The following RNASEH2B variants were observed in gnomAD, a reference collection of about 807,000 sequenced individuals.
The protein encoded by RNASEH2B is Aicardi-Goutieres syndrome 2 protein.
A neutral mutation model predicts 45.0 loss-of-function variants in RNASEH2B; 36 were observed. The ratio of observed to expected loss-of-function variants is 0.80; its 90% CI spans 0.61 to 1.06. The LOEUF (loss-of-function observed/expected upper bound fraction) is 1.06. RNASEH2B is among the 50% of genes least tolerant of loss of function. The pLI, the probability that RNASEH2B is intolerant of heterozygous loss-of-function variation, is 0.00. For missense variants in RNASEH2B, 361 were observed against 360.3 expected, an observed-to-expected ratio of 1.00 and a Z score of -0.02; for synonymous variants, 119 against 125.7, an observed-to-expected ratio of 0.95 and a Z score of 0.35.
intron 9 of RNASEH2B, chr13:50,951,552 G>C (rs1328719391): frequency 1.3e-5 from 2 of 152,104 alleles, no homozygotes; most frequent in African/African-American, 4.8e-5. Flanking sequence ...AGTGGGTTTG[G>C]AGATGTTCCC....
At chr13:50,929,134 T>C (rs1380341987) in intron 2 of RNASEH2B, among the ~76,000 whole-genome samples, 1 of 152,182 alleles carries the variant, frequency 6.6e-6, no homozygotes, top group Non-Finnish European at 1.5e-5. Flanking sequence ...TGCCAGCTCA[T>C]GTCATATGGC....
Position 50,945,468 on chromosome 13 carries a change from T to G in RNASEH2B, c.552T>G (p.Asn184Lys). 1 of 1,613,848 alleles carries G rather than the reference T, an allele frequency of 6.2e-7. No individual in the cohort carries two copies. The highest frequency in any genetic ancestry group is 8.5e-7 in the Non-Finnish European group (1 of 1,179,720). ...CAGCATTAAAAACCAATAATGTGAATGTCAGTTCCCGGGTACAGTCAACTG... is the reference window on the plus strand; with the variant it reads ...CAGCATTAAAAACCAATAATGTGAAGGTCAGTTCCCGGGTACAGTCAACTG... Reference protein sequence around the residue: ...TVAALKTNNVNVSSRVQSTAF... With the variant: ...TVAALKTNNVKVSSRVQSTAF... The change falls in exon 7 of 11, where the codon AAT becomes AAG. Residue 184 changes from asparagine to lysine, a missense_variant. Transcript: ENST00000336617.
intron 9 of RNASEH2B, chr13:50,950,980 T>C (rs114571412): frequency 4.9e-4 from 74 of 152,354 alleles, no homozygotes; most frequent in African/African-American, 1.8e-3. Context: ...TCAACTCTGC[T>C]GTTGTATTGT....
chr13:50,957,012 TC>T (rs1002729975), downstream of RNASEH2B, among the ~76,000 whole-genome samples: 1 of 151,636 alleles, frequency 6.6e-6, no homozygotes, highest in Non-Finnish European at 1.5e-5. Context: ...AACTTCAATC[TC>T]CCATTTCTTC....
chr13:50,931,927 A>G (rs140097317), intron 4 of RNASEH2B, among the ~76,000 whole-genome samples: 304 of 150,566 alleles, frequency 2.0e-3, no homozygotes, highest in African/African-American at 6.4e-3. Context: ...AGTTATGCAT[A>G]TCTTCCAAAT....
chr13:50,930,863 C>A, intron 4 of RNASEH2B, 104 bp downstream of exon 4: 1 of 885,610 alleles, frequency 1.1e-6, no homozygotes, highest in Non-Finnish European at 1.9e-6. Context: ...ATTCTACCTT[C>A]AGATCTATTA....
intron 6 of RNASEH2B, among the ~76,000 whole-genome samples, chr13:50,944,772 A>T (rs1951880235): frequency 6.6e-6 from 1 of 152,176 alleles, no homozygotes; most frequent in African/African-American, 2.4e-5. Context: ...TTAGAGTGCC[A>T]TGTTTCATTT....
chr13:50,959,791 G>C (rs534630351), downstream of RNASEH2B: 12 of 159,024 alleles, frequency 7.5e-5, no homozygotes, highest in Non-Finnish European at 1.4e-4. Flanking sequence ...ATCATCTAGA[G>C]AATGTGTAAT....
At position 50,956,387 on chromosome 13, in the gene RNASEH2B, G is replaced by A. The variant is rs1446139799; in HGVS notation, c.852G>A (p.Lys284=). The change falls in exon 11 of 11, where the codon AAG becomes AAA. Residue 284 remains lysine, a synonymous_variant. Coordinates refer to ENST00000336617, the MANE Select transcript of RNASEH2B (RefSeq NM_024570.4). ...KKNSKMTAAQ[K]ALAKVDKSGM... ...ATAGCAAAATGACTGCAGCTCAGAAGGCTTTGGCTAAAGTTGACAAGAGTG... is the reference window on the plus strand; with the variant it reads ...ATAGCAAAATGACTGCAGCTCAGAAAGCTTTGGCTAAAGTTGACAAGAGTG... 2 of 1,603,352 alleles carry A rather than the reference G, an allele frequency of 1.2e-6. No individual in the cohort carries two copies. Among genetic ancestry groups the A allele is most frequent in the Non-Finnish European group, 1.7e-6 (2 of 1,173,256 alleles).
chr13:50,927,359 CA>C (rs1951612193), intron 1 of RNASEH2B, 47 bp from the exon 2 acceptor site: 1 of 1,160,564 alleles, frequency 8.6e-7, no homozygotes, highest in Admixed American at 1.7e-5. Flanking sequence ...AGGTGAGCAA[CA>C]AAACAGCTGT....
rs1273374663 is a variant in RNASEH2B at position 50,970,137 on chromosome 13, T to G, written c.*173T>G. 3 of 691,490 alleles carry G rather than the reference T, an allele frequency of 4.3e-6. No individual in the cohort carries two copies. In the Admixed American group the frequency reaches 7.7e-5, roughly 18 times the overall value. 42.8% of individuals were successfully genotyped at this position (691,490 alleles called of 1,614,324 possible). On this transcript the variant is annotated 3_prime_UTR_variant, in exon 10 of 10. Coordinates refer to the RNASEH2B transcript ENST00000422660. ...CTTTGATTAGTACCACTAGTCTATG[T>G]GGGCAGCGGCATTCCTCCCTGGAGC...
intron 6 of RNASEH2B, among the ~76,000 whole-genome samples, chr13:50,945,065 C>G (rs776308962): frequency 2.6e-5 from 4 of 152,082 alleles, no homozygotes; most frequent in Non-Finnish European, 5.9e-5. Flanking sequence ...GAGGTGAATG[C>G]TATTTTTTTC....
intron 10 of RNASEH2B, chr13:50,956,143 A>G: frequency 2.0e-6 from 1 of 491,964 alleles, no homozygotes; most frequent in Non-Finnish European, 3.7e-6. Flanking sequence ...CTTAGAAGGC[A>G]GCAGTTTTGT....
chr13:50,956,441 G>C lies in RNASEH2B; in HGVS notation c.906G>C (p.Gly302=). The C allele has an allele frequency of 1.3e-6, 2 of 1,596,838 alleles. No individual in the cohort carries two copies. Among genetic ancestry groups the C allele is most frequent in the African/African-American group, 1.4e-5 (1 of 74,040 alleles). The change falls in exon 11 of 11, where the codon GGG becomes GGC. Residue 302 remains glycine, a synonymous_variant. Coordinates refer to ENST00000336617, the MANE Select transcript of RNASEH2B (RefSeq NM_024570.4). Reference sequence around the variant, plus strand: ...TGAAAAGTATTGATACCTTTTTTGGGGTAAAAAATAAAAAAAAAATTGGAA... The same window carrying C: ...TGAAAAGTATTGATACCTTTTTTGGCGTAAAAAATAAAAAAAAAATTGGAA... ...SGMKSIDTFF[G]VKNKKKIGKV is the part of the protein sequence containing the mutation.
chr13:50,957,361 G>T (rs548052446), downstream of RNASEH2B, among the ~76,000 whole-genome samples: 6 of 152,026 alleles, frequency 3.9e-5, no homozygotes, highest in East Asian at 1.9e-4. Flanking sequence ...TGGTTTTCTG[G>T]TTTTTTTGCA....
At chr13:50,969,691 C>T (rs982921801) in intron 9 of RNASEH2B, among the ~76,000 whole-genome samples, 13 of 152,010 alleles carry the variant, frequency 8.6e-5, no homozygotes, top group African/African-American at 3.1e-4. Context: ...GAAAAACATA[C>T]TTCTTGGTGT....
In RNASEH2B at chr13:50,909,820, G is replaced by GT; in HGVS notation, c.-257_-256insT. On this transcript the variant is annotated 5_prime_UTR_variant, in exon 1 of 11. Coordinates refer to ENST00000336617, the MANE Select transcript of RNASEH2B (RefSeq NM_024570.4). ...GCGGAGCCGCGAGGGAGAGGCCGCG[G>GT]CCCCTTCCCGTTGCCTGCGGCCACC... 2.5e-6 allele frequency: 1 copy of GT among 397,300 alleles called. No homozygotes were observed. 24.6% of individuals were successfully genotyped at this position (397,300 alleles called of 1,614,324 possible). A position where few individuals can be genotyped will look rare whatever the true frequency, so the allele number is the denominator to read the frequency against.
intron 5 of RNASEH2B, chr13:50,938,330 G>A (rs1951785009): frequency 6.6e-6 from 1 of 151,968 alleles, no homozygotes; most frequent in Non-Finnish European, 1.5e-5. Context: ...TATTTTTAAG[G>A]TATCTATTTT....
chr13:50,913,787 C>T (rs1879571900), intron 1 of RNASEH2B, among the ~76,000 whole-genome samples: 1 of 152,168 alleles, frequency 6.6e-6, no homozygotes, highest in Non-Finnish European at 1.5e-5. Flanking sequence ...AGATAAGAAT[C>T]CCTGTCTACC....
Sources: allele counts gnomAD v4.1 joint callset (sites outside exome capture counted in the v4.1 genomes callset), GRCh38; gene constraint gnomAD v4.1.1; transcripts MANE v1.5; gene names NCBI Gene and HGNC (gene_info 2026-07-23, HGNC 2026-07-21).